REPS2: variants seen among roughly 807,000 people sequenced by gnomAD.
REPS2 encodes the protein RALBP1 associated Eps domain containing 2, also known as ralBP1-associated Eps domain-containing protein 2.
Under a neutral mutation model 53.6 loss-of-function variants are expected in REPS2, and 23 were observed. The observed-to-expected ratio is 0.43, with a 90% CI of 0.31 to 0.61. The LOEUF is 0.61. Among genes scored for constraint, REPS2 ranks in the 20% least tolerant of loss-of-function variants. The probability of loss-of-function intolerance (pLI) is 0.11; values close to 1 mark genes in which losing one functional copy is unlikely to be tolerated. For missense variants in REPS2, 446 were observed against 534.9 expected, an observed-to-expected ratio of 0.83 and a Z score of 1.64; for synonymous variants, 238 against 218.6, an observed-to-expected ratio of 1.09 and a Z score of -0.78.
chrX:16,963,073 T>A (rs1270080059), intron 1 of REPS2, among the ~76,000 whole-genome samples: 2 of 111,689 alleles, frequency 1.8e-5, no homozygotes, highest in Non-Finnish European at 3.8e-5. Flanking sequence ...CACTCCAGCC[T>A]GCGTGACAGA....
At chrX:16,947,523 G>C (rs2060455856) in intron 1 of REPS2, among the ~76,000 whole-genome samples, 2 of 111,950 alleles carry the variant, frequency 1.8e-5, no homozygotes. Context: ...CCTCTCCTGA[G>C]TGGGTTCTCA....
At chrX:17,061,638 AG>A (rs1482459947) in intron 8 of REPS2, among the ~76,000 whole-genome samples, 2 of 112,848 alleles carry the variant, frequency 1.8e-5, no homozygotes, top group Non-Finnish European at 1.9e-5. Flanking sequence ...TATCTGCCAC[AG>A]TCTGCTTTTC....
At chrX:17,043,966 C>T (rs1440043205) in intron 5 of REPS2, among the ~76,000 whole-genome samples, 3 of 112,353 alleles carry the variant, frequency 2.7e-5, no homozygotes, top group Admixed American at 9.4e-5. Context: ...CATGTGCAGT[C>T]GGAAAGCCTG....
At chrX:17,040,325 T>G (rs766582859) in intron 5 of REPS2, among the ~76,000 whole-genome samples, 8 of 112,668 alleles carry the variant, frequency 7.1e-5, no homozygotes, top group Non-Finnish European at 1.1e-4. Context: ...CATATAAAGT[T>G]CAGCTTCAGT....
chrX:17,032,701 C>T (rs2061722831), intron 5 of REPS2, among the ~76,000 whole-genome samples: 1 of 112,004 alleles, frequency 8.9e-6, no homozygotes, highest in South Asian at 3.7e-4. Context: ...TCAAGTTCTT[C>T]CTGCCTGATT....
rs865876093 is a variant in REPS2, at chrX:17,118,729, C to A, written c.1578+14950C>A. 4.2e-4 allele frequency among the ~76,000 whole-genome samples: 47 copies of A among 111,996 alleles called. No homozygotes were observed. The Middle Eastern group carries it at 0.019, about 44-fold the overall frequency. On this transcript the variant is annotated intron_variant, in intron 14 of 17. Transcript: ENST00000357277. ...ACACTCTGTGCCCACCAATAATTTT[C>A]TAAATGTGAACTCTTTCCTACATTA... is the stretch of plus-strand genomic sequence containing the variant.
chrX:17,131,444 G>A (rs1231428409), intron 14 of REPS2, among the ~76,000 whole-genome samples: 1 of 111,697 alleles, frequency 9.0e-6, no homozygotes, highest in Non-Finnish European at 1.9e-5. Context: ...TGCTCTGAAG[G>A]AGGTTAGAGA....
chrX:17,105,507 A>T lies in REPS2; in HGVS notation c.1578+1728A>T, dbSNP rs9699331. On this transcript the variant is annotated intron_variant, in intron 14 of 17. Transcript: ENST00000357277. ...CAGCAGTCTTCATCTGAGCTGCTTGAGGTGGGCTTCTTGCCTGCTTTTGGA... is the reference window on the plus strand; with the variant it reads ...CAGCAGTCTTCATCTGAGCTGCTTGTGGTGGGCTTCTTGCCTGCTTTTGGA... 8.2e-3 allele frequency among the ~76,000 whole-genome samples: 926 copies of T among 112,251 alleles called. 8 individuals carry two copies. The highest frequency in any genetic ancestry group is 0.028 in the African/African-American group (879 of 30,887).
chrX:17,118,250 C>T lies in REPS2; in HGVS notation c.1578+14471C>T, dbSNP rs758827715. ...CTGGGATTACAGGCGTGAGCCACCG[C>T]GCCCGGCCGTTTCCTGACTTTTTAA... On this transcript the variant is annotated intron_variant, in intron 14 of 17. Coordinates refer to ENST00000357277, the MANE Select transcript of REPS2 (RefSeq NM_004726.3). Among the ~76,000 whole-genome samples the T allele has an allele frequency of 1.8e-3, 198 of 110,467 alleles. 1 individual carries two copies. The highest frequency in any genetic ancestry group is 2.6e-3 in the Non-Finnish European group (139 of 52,787).
chrX:16,962,318 CACACACAG>C (rs2060674827), intron 1 of REPS2, among the ~76,000 whole-genome samples: 1 of 106,054 alleles, frequency 9.4e-6, no homozygotes, highest in Non-Finnish European at 1.9e-5. Context: ...CACACACACA[CACACACAG>C]ATGACAGAAT....
the REPS2 span, among the ~76,000 whole-genome samples, chrX:17,160,037 G>T: frequency 8.9e-6 from 1 of 112,632 alleles, no homozygotes; most frequent in Admixed American, 9.4e-5. Flanking sequence ...ACCTTGAGAA[G>T]TGAAGTGACT....
At chrX:17,060,185 C>T (rs1255706463) in intron 8 of REPS2, among the ~76,000 whole-genome samples, 2 of 109,883 alleles carry the variant, frequency 1.8e-5, no homozygotes, top group East Asian at 2.9e-4. Context: ...ACCTGTGGTC[C>T]CCAGCTACTC....
chrX:17,094,511 T>C (rs757618724), intron 13 of REPS2, among the ~76,000 whole-genome samples: 2 of 112,236 alleles, frequency 1.8e-5, no homozygotes, highest in South Asian at 3.7e-4. Context: ...TTCTGGGAAA[T>C]TTTATTGAAC....
At chrX:17,068,215 G>A (rs2062251468) in intron 9 of REPS2, among the ~76,000 whole-genome samples, 187 bp from the exon 10 acceptor site, 1 of 110,421 alleles carries the variant, frequency 9.1e-6, no homozygotes, top group African/African-American at 3.3e-5. Flanking sequence ...TCGGGAGGCT[G>A]AGGCAGGAGA....
intron 1 of REPS2, among the ~76,000 whole-genome samples, chrX:16,980,271 G>A (rs1307703814): frequency 4.7e-5 from 5 of 106,675 alleles, no homozygotes; most frequent in African/African-American, 1.0e-4. Context: ...ACCACGGCCC[G>A]GCTAATTTAT....
chrX:17,159,495 A>G, the REPS2 span, among the ~76,000 whole-genome samples: 1 of 111,288 alleles, frequency 9.0e-6, no homozygotes, highest in Non-Finnish European at 1.9e-5. Context: ...TGGAAGCATA[A>G]CATAGTTGAT....
At chrX:17,073,327 C>A (rs2062334615) in intron 11 of REPS2, among the ~76,000 whole-genome samples, 1 of 111,988 alleles carries the variant, frequency 8.9e-6, no homozygotes, top group South Asian at 3.7e-4. Context: ...TTTGTAACAC[C>A]TGAGCATAGC....
chrX:17,047,208 A>T, intron 5 of REPS2, 139 bp from the exon 6 acceptor site: 1 of 545,221 alleles, frequency 1.8e-6, no homozygotes, highest in Non-Finnish European at 3.0e-6. Context: ...GTTAGATTCT[A>T]GTTATGAGGC....
At chrX:17,118,248 C>T (rs1280926802) in intron 14 of REPS2, among the ~76,000 whole-genome samples, 3 of 110,209 alleles carry the variant, frequency 2.7e-5, no homozygotes, top group Non-Finnish European at 5.7e-5. Context: ...CGTGAGCCAC[C>T]GCGCCCGGCC....
Sources: allele counts gnomAD v4.1 joint callset (sites outside exome capture counted in the v4.1 genomes callset), GRCh38; gene constraint gnomAD v4.1.1; transcripts MANE v1.5; gene names NCBI Gene and HGNC (gene_info 2026-07-23, HGNC 2026-07-21).